Variants in ABCA4 observed in about 807,000 individuals in gnomAD.
ABCA4 encodes the protein ATP binding cassette subfamily A member 4.
ABCA4 carries 196 observed loss-of-function variants against 263.7 expected under a neutral mutation model. That is an observed-to-expected ratio of 0.74 (90% CI 0.66 to 0.84). The LOEUF is 0.84. ABCA4 is among the 40% of genes least tolerant of loss of function. The probability of loss-of-function intolerance (pLI) is 0.00; values close to 1 mark genes in which losing one functional copy is unlikely to be tolerated. For missense variants in ABCA4, 2,792 were observed against 2,855.1 expected (o/e 0.98, Z 0.50); for synonymous variants, 1,133 against 1,094.2 (o/e 1.04, Z -0.70).
chr1:94,042,417 G>A (rs1660517634), intron 22 of ABCA4, among the ~76,000 whole-genome samples: 1 of 152,164 alleles, frequency 6.6e-6, no homozygotes, highest in African/African-American at 2.4e-5. Flanking sequence ...TGACAGCTAT[G>A]GAGCTTCTAG....
chr1:94,014,186 G>A (rs1659652034), intron 38 of ABCA4, among the ~76,000 whole-genome samples: 1 of 148,192 alleles, frequency 6.7e-6, no homozygotes, highest in South Asian at 2.1e-4. Context: ...AGGAAGGAAA[G>A]AAGGAAGAAA....
chr1:93,993,247 G>A lies in ABCA4; in HGVS notation c.6817-5C>T. The A allele has an allele frequency of 6.2e-7, 1 of 1,613,840 alleles. No homozygotes were observed. Among genetic ancestry groups the A allele is most frequent in the African/African-American group, 1.3e-5 (1 of 74,996 alleles). On this transcript the variant is annotated splice_polypyrimidine_tract_variant and splice_region_variant and intron_variant, in intron 49 of 49. Coordinates refer to ENST00000370225, the MANE Select transcript of ABCA4 (RefSeq NM_000350.3). ...GAGCGGTGTGAAAGATCAGTCCTGT[G>A]GAAGGAGATCACATGGACTCGCGTC...
chr1:94,042,932 G>A, intron 21 of ABCA4, 34 bp from the exon 22 acceptor site: 1 of 1,614,012 alleles, frequency 6.2e-7, no homozygotes, highest in South Asian at 1.1e-5. Flanking sequence ...GAGTTAAGGG[G>A]CTGTGGAGGG....
intron 16 of ABCA4, among the ~76,000 whole-genome samples, chr1:94,053,272 G>A (rs1660887417): frequency 6.6e-6 from 1 of 152,210 alleles, no homozygotes; most frequent in Admixed American, 6.5e-5. Flanking sequence ...GCTGGCATCT[G>A]AAGACGGGGA....
At chr1:94,069,237 C>T (rs192603116) in intron 11 of ABCA4, among the ~76,000 whole-genome samples, 5 of 152,360 alleles carry the variant, frequency 3.3e-5, no homozygotes, top group Non-Finnish European at 7.3e-5. Context: ...TGTGACCTCT[C>T]TGTCTGTAAT....
chr1:94,091,785 G>T lies in ABCA4; in HGVS notation c.768+7009C>A, dbSNP rs146980280. Among the ~76,000 whole-genome samples the T allele has an allele frequency of 7.8e-3, 1,185 of 152,328 alleles. 5 individuals carry two copies. Among genetic ancestry groups the T allele is most frequent in the Non-Finnish European group, 0.013 (873 of 68,036 alleles). On this transcript the variant is annotated intron_variant, in intron 6 of 49. Coordinates refer to ENST00000370225, the MANE Select transcript of ABCA4 (RefSeq NM_000350.3). The stretch of plus-strand genomic sequence containing the variant: ...AAGGGATCTGCCTCTACTAACTGAG[G>T]TCAGTCTAAGGGGCCTTTAGGCCTT...
In ABCA4 at chr1:94,018,689, A is replaced by G. The variant is rs547328978; in HGVS notation, c.5196+893T>C. 4 of 437,094 alleles carry G rather than the reference A, an allele frequency of 9.2e-6. No homozygotes were observed. The East Asian group carries it at 2.1e-4, about 23-fold the overall frequency. The allele number at this position is 437,094 out of a possible 1,614,324, so 27.1% of individuals were successfully genotyped here. On this transcript the variant is annotated intron_variant, in intron 36 of 49. Transcript: ENST00000370225. ...GTTGGTCTTAAAATGTTGAGATTTT[A>G]CTACTCAAGACACCTAGAATAAATT...
chr1:94,041,223 T>G lies in ABCA4; in HGVS notation c.3508A>C (p.Arg1170=), dbSNP rs781521866. 5 of 1,614,060 alleles carry G rather than the reference T, an allele frequency of 3.1e-6. No homozygotes were observed. The African/African-American group carries it at 6.7e-5, about 22-fold the overall frequency. ...CAGACACCTACCTCACTGCCTTTCC[T>G]TTGGCTCTGGATGTTTTTCATCTTG... ...VRKMKNIQSQ[R]KGSEGTCSCS... Residue 1170 remains arginine (R), a synonymous_variant, in exon 23 of 50, where the codon AGG becomes CGG. Transcript: ENST00000370225.
chr1:94,079,331 T>C lies in ABCA4; in HGVS notation c.1230A>G (p.Ile410Met). The change falls in exon 9 of 50, where the codon ATA becomes ATG. Residue 410 changes from isoleucine to methionine, a missense_variant. Transcript: ENST00000370225. Reference sequence around the variant, plus strand: ...CCAGCTGGGATCTTACATTCTTCAGTATCCTTCGTGCTGCAGGTGAATCAG... The same window carrying C: ...CCAGCTGGGATCTTACATTCTTCAGCATCCTTCGTGCTGCAGGTGAATCAG... ...YTPDSPAARR[I>M]LKNANSTFEE... The C allele has an allele frequency of 6.2e-7, 1 of 1,614,190 alleles. No homozygotes were observed. The highest frequency in any genetic ancestry group is 8.5e-7 in the Non-Finnish European group (1 of 1,180,030).
intron 24 of ABCA4, among the ~76,000 whole-genome samples, chr1:94,038,759 C>T (rs1660409980): frequency 6.6e-6 from 1 of 152,090 alleles, no homozygotes; most frequent in Non-Finnish European, 1.5e-5. Context: ...AGAAGTAGCT[C>T]TGTAGGTCAG....
At position 93,997,954 on chromosome 1, in the gene ABCA4, G is replaced by A. The variant is rs1659054900; in HGVS notation, c.6636C>T (p.Ser2212=). The A allele has an allele frequency of 6.2e-7, 1 of 1,614,126 alleles. No homozygotes were observed. Among genetic ancestry groups the A allele is most frequent in the Non-Finnish European group, 8.5e-7 (1 of 1,180,012 alleles). ...HYNMLQFQVS[S]SSLARIFQLL... is the part of the protein sequence containing the mutation. ...GCTGGAAGATCCTCGCCAGGGAGGA[G>A]GAGGAGACCTGGAACTGGAGCATGT... Residue 2212 remains serine (S), a synonymous_variant, in exon 48 of 50, where the codon TCC becomes TCT. Coordinates refer to ENST00000370225, the MANE Select transcript of ABCA4 (RefSeq NM_000350.3).
rs1347261858 is a variant in ABCA4 at position 94,029,601 on chromosome 1, C to G, written c.4383G>C (p.Trp1461Cys). ...TGTTTGGGGACACAGAAGGAGTCTT[C>G]CAGGGTGTTGAGTTGCCACAGGGGT... ...PEYPCGNSTP[W>C]KTPSVSPNIT... The change falls in exon 30 of 50, where the codon TGG becomes TGC. Residue 1461 changes from tryptophan to cysteine, a missense_variant. Trp to Cys is a radical substitution (Grantham distance 215). Coordinates refer to ENST00000370225, the MANE Select transcript of ABCA4 (RefSeq NM_000350.3). 2 of 1,613,976 alleles carry G rather than the reference C, an allele frequency of 1.2e-6. No homozygotes were observed. Among genetic ancestry groups the G allele is most frequent in the Admixed American group, 1.7e-5 (1 of 59,996 alleles).
rs946348819 is a variant in ABCA4 at position 94,011,327 on chromosome 1, C to G, written c.5519G>C (p.Cys1840Ser). The part of the protein sequence containing the change: ...RKLLIVFPHF[C>S]LGRGLIDLAL... ...AAGGTCAATGAGGCCCCGGCCCAGG[C>G]AGAAGTGGGGGAAGACAATGAGCAG... Residue 1840 changes from cysteine (C) to serine (S), a missense_variant, in exon 39 of 50, where the codon TGC becomes TCC. Cys to Ser is a moderately radical substitution (Grantham distance 112). Transcript: ENST00000370225. 2 of 1,614,160 alleles carry G rather than the reference C, an allele frequency of 1.2e-6. No individual in the cohort carries two copies. The highest frequency in any genetic ancestry group is 2.2e-5 in the South Asian group (2 of 91,082).
chr1:94,098,335 TA>T (rs1662187497), intron 6 of ABCA4, among the ~76,000 whole-genome samples: 1 of 152,252 alleles, frequency 6.6e-6, no homozygotes, highest in Non-Finnish European at 1.5e-5. Flanking sequence ...CATCATTTAT[TA>T]AAATTTATGA....
intron 43 of ABCA4, among the ~76,000 whole-genome samples, chr1:94,006,099 G>A (rs943904875): frequency 1.3e-5 from 2 of 152,130 alleles, no homozygotes; most frequent in African/African-American, 4.8e-5. Flanking sequence ...ACTCCCTTTG[G>A]CTAATATATT....
chr1:93,999,857 C>A (rs376196156), intron 47 of ABCA4, among the ~76,000 whole-genome samples: 2 of 152,226 alleles, frequency 1.3e-5, no homozygotes, highest in East Asian at 3.8e-4. Context: ...CAGTTGGACA[C>A]AGGAAGTTGC....
At chr1:94,043,807 A>G (rs1259307049) in intron 20 of ABCA4, among the ~76,000 whole-genome samples, 5 of 152,128 alleles carry the variant, frequency 3.3e-5, no homozygotes, top group Admixed American at 2.0e-4. Flanking sequence ...ATAAAATTGT[A>G]TGCATAGTTT....
chr1:94,029,449 G>T lies in ABCA4; in HGVS notation c.4535C>A (p.Pro1512His), dbSNP rs61750150. 6.2e-5 allele frequency: 96 copies of T among 1,550,786 alleles called. 1 individual carries two copies. Among genetic ancestry groups the T allele is most frequent in the Non-Finnish European group, 7.7e-5 (88 of 1,147,040 alleles). ...CPEGAGGLPP[P>H]QRTQRSTEIL... ...CGTTGTTTGGAGGTCAGGTACCTGG[G>T]GGGGCGGGAGGCCCCCGGCACCCTC... Residue 1512 changes from proline (P) to histidine (H), a missense_variant, in exon 30 of 50, where the codon CCC becomes CAC. By Grantham distance (77) the Pro-to-His change is moderately conservative. Coordinates refer to ENST00000370225, the MANE Select transcript of ABCA4 (RefSeq NM_000350.3).
chr1:94,005,130 A>G (rs959290695), intron 44 of ABCA4, among the ~76,000 whole-genome samples: 3 of 152,214 alleles, frequency 2.0e-5, no homozygotes, highest in Non-Finnish European at 4.4e-5. Context: ...CCTTATACAT[A>G]TTCATTTTGC....
Sources: allele counts gnomAD v4.1 joint callset (sites outside exome capture counted in the v4.1 genomes callset), GRCh38; gene constraint gnomAD v4.1.1; transcripts MANE v1.5; gene names NCBI Gene and HGNC (gene_info 2026-07-23, HGNC 2026-07-21).